DHX32: variants seen among roughly 807,000 people sequenced by gnomAD.
DHX32 encodes DEAH-box helicase 32 (putative), also known as putative pre-mRNA-splicing factor ATP-dependent RNA helicase DHX32.
In DHX32, 51 loss-of-function variants were observed where a neutral mutation model predicts 70.0. The ratio of observed to expected loss-of-function variants is 0.73; its 90% CI spans 0.58 to 0.92. DHX32 has a LOEUF of 0.92. Ranked by LOEUF, DHX32 falls within the 40% of genes least tolerant of loss-of-function variation. The probability of loss-of-function intolerance (pLI) is 0.00; values close to 1 mark genes in which losing one functional copy is unlikely to be tolerated. For synonymous variants in DHX32, 310 were observed against 315.3 expected (o/e 0.98, Z 0.18); for missense variants, 762 against 891.8 (o/e 0.85, Z 1.85).
intron 1 of DHX32, among the ~76,000 whole-genome samples, chr10:125,871,920 T>C (rs538604558): frequency 7.1e-4 from 107 of 150,322 alleles, no homozygotes; most frequent in African/African-American, 2.6e-3. Context: ...TGGAGTGCAA[T>C]GGCAGGATCT....
chr10:125,860,107 T>A (rs1352954478), intron 2 of DHX32, 132 bp from the exon 3 acceptor site: 1 of 742,906 alleles, frequency 1.3e-6, no homozygotes, highest in African/African-American at 1.8e-5. Flanking sequence ...GGGGCCAAAA[T>A]TCCTTTAAGT....
chr10:125,855,164 G>A (rs960013818), intron 3 of DHX32, among the ~76,000 whole-genome samples: 3 of 151,252 alleles, frequency 2.0e-5, no homozygotes, highest in Non-Finnish European at 4.4e-5. Context: ...AGAGGTTGCA[G>A]CGAGCCGAGA....
rs911445612 is a variant in DHX32 at position 125,866,023 on chromosome 10, G to C, written c.476+967C>G. Among the ~76,000 whole-genome samples, 1 of 152,214 alleles carries C rather than the reference G, an allele frequency of 6.6e-6. No individual in the cohort carries two copies. The highest frequency in any genetic ancestry group is 6.5e-5 in the Admixed American group (1 of 15,282). On this transcript the variant is annotated intron_variant, in intron 2 of 10. Coordinates refer to ENST00000284690, the MANE Select transcript of DHX32 (RefSeq NM_018180.3). This position sits in a 1 kb window ranked among gnomAD's most constrained non-coding sequence, Gnocchi z 4.8. ...GCAGAGCTTCCCCAATGCTGTGCGT[G>C]GCACACTGTATGCCACACAAATGGG...
chr10:125,852,303 C>G lies in DHX32; in HGVS notation c.1341G>C (p.Met447Ile). 5.0e-6 allele frequency: 8 copies of G among 1,614,034 alleles called. No homozygotes were observed. Among genetic ancestry groups the G allele is most frequent in the Non-Finnish European group, 6.8e-6 (8 of 1,180,010 alleles). ...DIAGLGHCDF[M>I]NRPAPESLMQ... ...GGAGCATAAGGCTACCTGGTCTGTTCATGAAGTCACAGTGGCCTAGGCCCG... is the reference window on the plus strand; with the variant it reads ...GGAGCATAAGGCTACCTGGTCTGTTGATGAAGTCACAGTGGCCTAGGCCCG... The change falls in exon 6 of 11, where the codon ATG (methionine) becomes ATC (isoleucine). Residue 447 changes from methionine (M) to isoleucine (I), a missense_variant. Physicochemically the swap from Met to Ile is conservative, Grantham distance 10. Around this residue, in one of 3 missense-constraint regions of DHX32, gnomAD observed 366 missense variants for 402.6 expected, o/e 0.91. Coordinates refer to ENST00000284690, the MANE Select transcript of DHX32 (RefSeq NM_018180.3).
Position 125,866,418 on chromosome 10 carries a change from A to G in DHX32, c.476+572T>C, listed in dbSNP as rs1374615316. Among the ~76,000 whole-genome samples, 1 of 152,244 alleles carries G rather than the reference A, an allele frequency of 6.6e-6. No individual in the cohort carries two copies. ...GAACATAGAAGACTCTGCAAAGCACAGTTTGAGAAACACTGTCGAAGCTGC... is the reference window on the plus strand; with the variant it reads ...GAACATAGAAGACTCTGCAAAGCACGGTTTGAGAAACACTGTCGAAGCTGC... On this transcript the variant is annotated intron_variant, in intron 2 of 10. Coordinates refer to ENST00000284690, the MANE Select transcript of DHX32 (RefSeq NM_018180.3). This position sits in a 1 kb window ranked among gnomAD's most constrained non-coding sequence, Gnocchi z 4.8.
chr10:125,887,629 TTGTG>T (rs1403210486), intron 1 of DHX32, among the ~76,000 whole-genome samples: 2 of 152,066 alleles, frequency 1.3e-5, no homozygotes, highest in South Asian at 4.1e-4. Context: ...TTGTATGTGT[TTGTG>T]TGTGTGTTTT....
intron 2 of DHX32, among the ~76,000 whole-genome samples, chr10:125,860,752 A>AT (rs397747204): frequency 0.39 from 43,650 of 111,438 alleles, 10,418 homozygotes; most frequent in Admixed American, 0.51. Context: ...AACCAATCCC[A>AT]TTTTTTTTTT....
At chr10:125,872,108 C>T (rs926823884) in intron 1 of DHX32, among the ~76,000 whole-genome samples, 3 of 152,154 alleles carry the variant, frequency 2.0e-5, no homozygotes, top group South Asian at 2.1e-4. Flanking sequence ...GTGATCCGCC[C>T]GCCTCGGCCT....
At chr10:125,890,614 A>G (rs1169503050) in intron 1 of DHX32, 1 of 152,352 alleles carries the variant, frequency 6.6e-6, no homozygotes, top group Admixed American at 6.5e-5. Flanking sequence ...TTGGTTGAAT[A>G]TACAATATTA....
intron 6 of DHX32, among the ~76,000 whole-genome samples, chr10:125,843,640 C>T (rs963273979): frequency 1.3e-5 from 2 of 151,996 alleles, no homozygotes; most frequent in East Asian, 1.9e-4. Context: ...TCACAAACTT[C>T]GATTTGATAA....
intron 1 of DHX32, among the ~76,000 whole-genome samples, chr10:125,888,472 A>G (rs1423639138): frequency 2.0e-5 from 3 of 152,164 alleles, no homozygotes; most frequent in Non-Finnish European, 4.4e-5. Flanking sequence ...CCAAAACTTT[A>G]TAAATATTTT....
chr10:125,840,620 G>C (rs563320704), intron 8 of DHX32, among the ~76,000 whole-genome samples: 33 of 152,374 alleles, frequency 2.2e-4, no homozygotes, highest in Middle Eastern at 3.4e-3. Flanking sequence ...TGGAGCTCTG[G>C]AAGTACAGGC....
At chr10:125,844,328 T>C (rs934893254) in intron 6 of DHX32, among the ~76,000 whole-genome samples, 3 of 152,272 alleles carry the variant, frequency 2.0e-5, no homozygotes, top group Non-Finnish European at 2.9e-5. Context: ...TGCTGCATTA[T>C]AAGTTACAGG....
In DHX32 at chr10:125,852,381, C is replaced by T. The variant is rs1170238860; in HGVS notation, c.1263G>A (p.Met421Ile). Residue 421 changes from methionine (M) to isoleucine (I), a missense_variant, in exon 6 of 11, where the codon ATG becomes ATA. Transcript: ENST00000284690. ...KDMTPLKPAEMQEANLTSMVL... is the reference protein window; with the variant it reads ...KDMTPLKPAEIQEANLTSMVL... Reference sequence around the variant, plus strand: ...CCATGCTTGTTAGGTTGGCTTCCTGCATTTCTGCTGGCTTCAGTGGCGTCA... The same window carrying T: ...CCATGCTTGTTAGGTTGGCTTCCTGTATTTCTGCTGGCTTCAGTGGCGTCA... The T allele has an allele frequency of 6.2e-7, 1 of 1,614,182 alleles. No individual in the cohort carries two copies. The highest frequency in any genetic ancestry group is 8.5e-7 in the Non-Finnish European group (1 of 1,180,024).
intron 3 of DHX32, among the ~76,000 whole-genome samples, chr10:125,856,822 G>T (rs981992617): frequency 1.3e-5 from 2 of 152,046 alleles, no homozygotes; most frequent in Non-Finnish European, 2.9e-5. Flanking sequence ...TGGGCATACT[G>T]GTGCACACCT....
chr10:125,841,335 G>A, intron 7 of DHX32: 1 of 1,614,138 alleles, frequency 6.2e-7, no homozygotes, highest in Non-Finnish European at 8.5e-7. Flanking sequence ...ACAATGGTTG[G>A]TCTGTTCCCC....
upstream of DHX32, among the ~76,000 whole-genome samples, chr10:125,886,130 T>C (rs1400691425): frequency 3.3e-5 from 5 of 152,386 alleles, no homozygotes; most frequent in East Asian, 7.7e-4. Context: ...CCATGGCAGA[T>C]GCCTGCCTCT....
Position 125,889,949 on chromosome 10 carries a change from G to C in DHX32, c.-248+6269C>G, listed in dbSNP as rs1015804872. Among the ~76,000 whole-genome samples the C allele has an allele frequency of 2.4e-4, 36 of 152,400 alleles. No homozygotes were observed. The South Asian group carries it at 7.1e-3, about 30-fold the overall frequency. The stretch of plus-strand genomic sequence containing the variant: ...GGCTTCTAGAAGATCATCTGTGGTA[G>C]AGCAGGTGCTTAAAGTCAGGCAGTA... On this transcript the variant is annotated intron_variant, in intron 1 of 2. Transcript: ENST00000415732.
At chr10:125,874,211 A>C (rs1217458860) in intron 1 of DHX32, among the ~76,000 whole-genome samples, 1 of 152,238 alleles carries the variant, frequency 6.6e-6, no homozygotes, top group African/African-American at 2.4e-5. Context: ...AAAGGTTTAA[A>C]ACTCTGAAGA....
Sources: allele counts gnomAD v4.1 joint callset (sites outside exome capture counted in the v4.1 genomes callset), GRCh38; gene constraint gnomAD v4.1.1; regional missense constraint gnomAD v4.1.1; non-coding constraint Gnocchi (gnomAD v3.1); transcripts MANE v1.5; gene names NCBI Gene and HGNC (gene_info 2026-07-23, HGNC 2026-07-21).